The following NRXN1 variants were observed in gnomAD, a reference collection of about 807,000 sequenced individuals.
The protein encoded by NRXN1 is neurexin-1.
A neutral mutation model predicts 150.9 loss-of-function variants in NRXN1; 39 were observed. The observed-to-expected ratio is 0.26, with a 90% CI of 0.20 to 0.34. NRXN1 has a LOEUF of 0.34. NRXN1 is among the 10% of genes least tolerant of loss of function. The pLI, the probability that NRXN1 is intolerant of heterozygous loss-of-function variation, is 1.00. For synonymous variants in NRXN1, 924 were observed against 757.0 expected, an observed-to-expected ratio of 1.22 and a Z score of -3.62; for missense variants, 1,815 against 1,949.9, an observed-to-expected ratio of 0.93 and a Z score of 1.30.
chr2:50,560,629 A>T (rs1272106373), intron 8 of NRXN1, among the ~76,000 whole-genome samples: 1 of 151,980 alleles, frequency 6.6e-6, no homozygotes, highest in Admixed American at 6.6e-5. Flanking sequence ...ACGGGGTTTC[A>T]CCATTTTGGC....
At chr2:50,403,500 T>C (rs2082534692) in intron 17 of NRXN1, among the ~76,000 whole-genome samples, 1 of 152,134 alleles carries the variant, frequency 6.6e-6, no homozygotes, top group Admixed American at 6.6e-5. Context: ...TGGCAATACA[T>C]CAGTTGTTAT....
chr2:50,974,489 A>G (rs1695516483), intron 2 of NRXN1, among the ~76,000 whole-genome samples: 1 of 152,160 alleles, frequency 6.6e-6, no homozygotes, highest in Non-Finnish European at 1.5e-5. Flanking sequence ...ATACTTGAGG[A>G]AAGGCTGACC....
Position 50,552,831 on chromosome 2 carries a change from T to C in NRXN1, c.1515A>G (p.Ser505=). ...TTGGCTCTGTTGTACGGAAATCAAA[T>C]GATATGGAGCCAGTTTTCTTTGCAT... ...KWNAKKTGSI[S]FDFRTTEPNG... Residue 505 remains serine (S), a synonymous_variant, in exon 9 of 23, where the codon TCA becomes TCG. Transcript: ENST00000401669. 6.2e-7 allele frequency: 1 copy of C among 1,613,928 alleles called. No individual in the cohort carries two copies. Among genetic ancestry groups the C allele is most frequent in the Non-Finnish European group, 8.5e-7 (1 of 1,179,844 alleles).
chr2:50,477,902 G>A (rs1378460654), intron 15 of NRXN1, among the ~76,000 whole-genome samples: 1 of 152,162 alleles, frequency 6.6e-6, no homozygotes, highest in African/African-American at 2.4e-5. Context: ...AAATTTGGGT[G>A]CAGCTTTTTC....
At chr2:50,417,762 A>G (rs1273070475) in intron 17 of NRXN1, among the ~76,000 whole-genome samples, 1 of 151,960 alleles carries the variant, frequency 6.6e-6, no homozygotes, top group Non-Finnish European at 1.5e-5. Context: ...AAAAGAGTAA[A>G]AATTAAAGAA....
intron 5 of NRXN1, among the ~76,000 whole-genome samples, chr2:50,799,163 T>C (rs1707248429): frequency 1.3e-5 from 2 of 152,222 alleles, no homozygotes; most frequent in South Asian, 4.1e-4. Flanking sequence ...TTCATTTATA[T>C]ATGCCGTGGG....
chr2:50,476,367 C>T (rs576826445), intron 15 of NRXN1, among the ~76,000 whole-genome samples: 83 of 152,180 alleles, frequency 5.5e-4, no homozygotes, highest in African/African-American at 1.8e-3. Context: ...GTCTACAAAC[C>T]CTGGCTCTGC....
At chr2:50,647,982 C>A (rs1309935727) in intron 5 of NRXN1, among the ~76,000 whole-genome samples, 4 of 151,754 alleles carry the variant, frequency 2.6e-5, no homozygotes, top group African/African-American at 9.7e-5. Context: ...AAAATGATAT[C>A]ATGTATTTAT....
At chr2:50,252,822 T>C (rs374682495) in intron 17 of NRXN1, among the ~76,000 whole-genome samples, 6 of 152,288 alleles carry the variant, frequency 3.9e-5, no homozygotes, top group African/African-American at 1.2e-4. Flanking sequence ...AGCCTTGTAG[T>C]ATAGTTTAAA....
chr2:50,493,267 G>A (rs1284608288), intron 15 of NRXN1, among the ~76,000 whole-genome samples: 3 of 152,098 alleles, frequency 2.0e-5, no homozygotes, highest in Non-Finnish European at 4.4e-5. Context: ...TTATGAATAA[G>A]TCCCTCTAAA....
chr2:50,584,872 G>A (rs1324468196), intron 8 of NRXN1, among the ~76,000 whole-genome samples: 1 of 152,166 alleles, frequency 6.6e-6, no homozygotes, highest in Non-Finnish European at 1.5e-5. Flanking sequence ...ATGTAGAAAT[G>A]AGAAGGTAAA....
rs576503008 is a variant in NRXN1, at chr2:50,067,085, T to C, written c.3719-12041A>G. Reference sequence around the variant, plus strand: ...TCAGATGACATCCCAGCTCCTTATGTGAAACAGCAGGCTTTTATATCCAGT... The same window carrying C: ...TCAGATGACATCCCAGCTCCTTATGCGAAACAGCAGGCTTTTATATCCAGT... On this transcript the variant is annotated intron_variant, in intron 19 of 22. Coordinates refer to ENST00000401669, the MANE Select transcript of NRXN1 (RefSeq NM_001330078.2). Among the ~76,000 whole-genome samples the C allele has an allele frequency of 4.5e-4, 69 of 152,306 alleles. 2 individuals are homozygous for C. The South Asian group carries it at 0.014, about 30-fold the overall frequency.
At chr2:50,165,856 T>C (rs950186337) in intron 18 of NRXN1, among the ~76,000 whole-genome samples, 4 of 152,214 alleles carry the variant, frequency 2.6e-5, no homozygotes, top group African/African-American at 7.2e-5. Context: ...GCTCATATTA[T>C]CTTACTATAT....
intron 12 of NRXN1, among the ~76,000 whole-genome samples, chr2:50,523,028 C>A (rs771864175): frequency 6.6e-6 from 1 of 152,138 alleles, no homozygotes; most frequent in African/African-American, 2.4e-5. Flanking sequence ...AGCCACAGCA[C>A]CCAGCCTCAA....
At chr2:50,167,408 C>A (rs771733011) in intron 18 of NRXN1, among the ~76,000 whole-genome samples, 9 of 152,038 alleles carry the variant, frequency 5.9e-5, no homozygotes, top group African/African-American at 9.7e-5. Flanking sequence ...GCCTCCCCCC[C>A]GCCTGTTAAT....
chr2:50,549,313 C>T (rs1334322282), intron 9 of NRXN1, among the ~76,000 whole-genome samples: 1 of 152,128 alleles, frequency 6.6e-6, no homozygotes, highest in Non-Finnish European at 1.5e-5. Context: ...AAAATATTAA[C>T]AGCTGCTATT....
chr2:50,603,751 G>A (rs1036031721), intron 8 of NRXN1, among the ~76,000 whole-genome samples: 1 of 152,126 alleles, frequency 6.6e-6, no homozygotes, highest in African/African-American at 2.4e-5. Context: ...GGTACACAGA[G>A]ATTAATGCTT....
At chr2:50,599,421 G>A (rs1198062265) in intron 8 of NRXN1, among the ~76,000 whole-genome samples, 3 of 152,172 alleles carry the variant, frequency 2.0e-5, no homozygotes, top group Middle Eastern at 3.4e-3. Context: ...CTGACTTCTC[G>A]GTTCAATGCT....
chr2:51,017,503 C>CTTTTTTTTTTTTTTTTTT (rs70958638), intron 2 of NRXN1, among the ~76,000 whole-genome samples: 1 of 44,302 alleles, frequency 2.3e-5, no homozygotes. Context: ...CCACATCTGG[C>CTTTTTTTTTTTTTTTTTT]TTTTTTTTTT....
Sources: gnomAD v4.1 joint callset for allele counts (sites outside exome capture counted in the v4.1 genomes callset) on GRCh38, gnomAD v4.1.1 for gene constraint, MANE v1.5 for transcripts, NCBI Gene and HGNC (gene_info 2026-07-23, HGNC 2026-07-21) for gene names.